The following CRY1 variants were observed in gnomAD, a reference collection of about 807,000 sequenced individuals.
The protein encoded by CRY1 is cryptochrome-1.
A neutral mutation model predicts 76.0 loss-of-function variants in CRY1; 45 were observed. The observed-to-expected ratio is 0.59, with a 90% confidence interval of 0.47 to 0.76. The LOEUF (loss-of-function observed/expected upper bound fraction) is 0.76, where lower values mean the gene tolerates loss of function less well. Ranked by LOEUF, CRY1 falls within the 30% of genes least tolerant of loss-of-function variation. The probability of loss-of-function intolerance (pLI) is 0.00; values close to 1 mark genes in which losing one functional copy is unlikely to be tolerated. For missense variants in CRY1, 587 were observed against 716.4 expected (o/e 0.82, Z 2.06); for synonymous variants, 248 against 244.0 (o/e 1.02, Z -0.15).
chr12:107,050,488 C>T (rs79499307), intron 1 of CRY1: 1,626 of 152,132 alleles, frequency 0.011, 16 homozygotes, highest in Non-Finnish European at 0.017. Flanking sequence ...TTTAAAAGAC[C>T]CTGGCACCTC....
At chr12:106,996,211 G>T (rs1426048891) in intron 10 of CRY1, among the ~76,000 whole-genome samples, 2 of 152,164 alleles carry the variant, frequency 1.3e-5, no homozygotes, top group Admixed American at 1.3e-4. Context: ...TTACAAGCAA[G>T]AACATGAGGT....
chr12:107,005,245 A>G lies in CRY1; in HGVS notation c.271T>C (p.Trp91Arg). 6.2e-7 allele frequency: 1 copy of G among 1,609,512 alleles called. No individual in the cohort carries two copies. The highest frequency in any genetic ancestry group is 8.5e-7 in the Non-Finnish European group (1 of 1,178,234). The stretch of plus-strand genomic sequence containing the variant: ...TCAATTGAAAGTTTAGTAATGTTCC[A>G]TTCCTAAAGTAAGAGAAAGGGGAAC... The part of the protein sequence containing the change: ...ADVFPRLFKE[W>R]NITKLSIEYD... Residue 91 changes from tryptophan to arginine, a missense_variant, in exon 3 of 13, where the codon TGG (tryptophan) becomes CGG (arginine). Trp to Arg is a moderately radical substitution (Grantham distance 101, BLOSUM62 -3). Transcript: ENST00000008527.
In CRY1 at chr12:106,993,826, G is replaced by C. The variant is rs2136815794; in HGVS notation, c.1586-790C>G. Among the ~76,000 whole-genome samples, 2 of 151,996 alleles carry C rather than the reference G, an allele frequency of 1.3e-5. 1 individual carries two copies. The highest frequency in any genetic ancestry group is 2.9e-5 in the Non-Finnish European group (2 of 67,956). On this transcript the variant is annotated intron_variant, in intron 10 of 12. Transcript: ENST00000008527. The stretch of plus-strand genomic sequence containing the variant: ...TAATGACTAATAATGCCGATGAACT[G>C]ATATTTTACAATAAAAAAACCTAAA...
chr12:107,045,194 A>G (rs1952836103), intron 1 of CRY1, among the ~76,000 whole-genome samples: 1 of 152,226 alleles, frequency 6.6e-6, no homozygotes, highest in Non-Finnish European at 1.5e-5. Flanking sequence ...AAGAAAGCTC[A>G]CAGGCCAGGA....
chr12:107,031,967 T>C (rs998293967), intron 1 of CRY1, among the ~76,000 whole-genome samples: 2 of 152,218 alleles, frequency 1.3e-5, no homozygotes, highest in Non-Finnish European at 2.9e-5. Flanking sequence ...GGAGTTTCGC[T>C]CTTGTCGCCC....
intron 1 of CRY1, chr12:107,073,059 A>G (rs1490665972): frequency 4.0e-5 from 6 of 149,724 alleles, no homozygotes; most frequent in Non-Finnish European, 7.4e-5. Context: ...TAAATTCTAG[A>G]TGGAACAAAG....
chr12:107,091,833 C>G lies in CRY1; in HGVS notation c.158+971G>C, dbSNP rs531017310. Among the ~76,000 whole-genome samples the G allele has an allele frequency of 1.8e-4, 28 of 152,322 alleles. No homozygotes were observed. The South Asian group carries it at 5.2e-3, about 28-fold the overall frequency. ...CCTGGAATGGTCTTCCCTTAGATATCTGCATCCCACCACCTCCTTCAGGTC... is the reference window on the plus strand; with the variant it reads ...CCTGGAATGGTCTTCCCTTAGATATGTGCATCCCACCACCTCCTTCAGGTC... On this transcript the variant is annotated intron_variant, in intron 1 of 12. Transcript: ENST00000008527.
At chr12:107,026,801 C>A (rs1952621608) in intron 1 of CRY1, among the ~76,000 whole-genome samples, 1 of 148,536 alleles carries the variant, frequency 6.7e-6, no homozygotes, top group Non-Finnish European at 1.5e-5. Flanking sequence ...AAAGAAAACA[C>A]CCCATGCATT....
chr12:107,070,160 CAG>C (rs1021571659), intron 1 of CRY1, among the ~76,000 whole-genome samples: 2 of 152,154 alleles, frequency 1.3e-5, no homozygotes, highest in South Asian at 2.1e-4. Context: ...ATACTTAACA[CAG>C]AGTCATGTGC....
chr12:107,069,226 ATT>A (rs78170490), intron 1 of CRY1, among the ~76,000 whole-genome samples: 185 of 137,812 alleles, frequency 1.3e-3, no homozygotes, highest in Middle Eastern at 7.7e-3. Context: ...TTCCGTTTAA[ATT>A]TTTTTTTTTT....
chr12:107,014,470 T>C lies in CRY1; in HGVS notation c.267+7614A>G, dbSNP rs187253181. The stretch of plus-strand genomic sequence containing the variant: ...CCTGCTGTGACACAGTATCACACAG[T>C]AGGGCAAGAAGGGTGGGTTTGGCAC... On this transcript the variant is annotated intron_variant, in intron 2 of 12. Coordinates refer to ENST00000008527, the MANE Select transcript of CRY1 (RefSeq NM_004075.5). Among the ~76,000 whole-genome samples the C allele has an allele frequency of 4.4e-3, 674 of 152,226 alleles. 2 individuals carry two copies. The highest frequency in any genetic ancestry group is 0.015 in the African/African-American group (634 of 41,524).
chr12:107,055,521 T>C (rs561257224), intron 1 of CRY1, among the ~76,000 whole-genome samples: 1 of 152,172 alleles, frequency 6.6e-6, no homozygotes, highest in East Asian at 1.9e-4. Context: ...GGGTATTCAA[T>C]AGGCTAACTC....
At chr12:107,078,641 T>C (rs1953286686) in intron 1 of CRY1, among the ~76,000 whole-genome samples, 2 of 152,194 alleles carry the variant, frequency 1.3e-5, no homozygotes, top group Non-Finnish European at 2.9e-5. Flanking sequence ...CCAATGTCTA[T>C]AATTCCCAGA....
At chr12:107,036,775 T>C (rs946514354) in intron 1 of CRY1, among the ~76,000 whole-genome samples, 1 of 152,062 alleles carries the variant, frequency 6.6e-6, no homozygotes, top group South Asian at 2.1e-4. Context: ...TTGCACAGGA[T>C]GTTCTTTCCA....
chr12:106,992,760 C>T lies in CRY1; in HGVS notation c.*27G>A, dbSNP rs201492254. The T allele has an allele frequency of 1.2e-5, 18 of 1,559,372 alleles. No homozygotes were observed. The Admixed American group carries it at 2.5e-4, about 22-fold the overall frequency. On this transcript the variant is annotated intron_variant, in intron 12 of 12. Coordinates refer to ENST00000008527, the MANE Select transcript of CRY1 (RefSeq NM_004075.5). ...ATGTTAATTATATACTCTTCTAAAG[C>T]AAGAAATACAGCTCTAAAATATTTA... is the stretch of plus-strand genomic sequence containing the variant.
intron 7 of CRY1, among the ~76,000 whole-genome samples, chr12:106,999,175 T>C (rs1337125427): frequency 6.6e-6 from 1 of 151,728 alleles, no homozygotes; most frequent in African/African-American, 2.4e-5. Flanking sequence ...GGTGAAATGA[T>C]TTATATTTTA....
chr12:107,054,434 T>C (rs1952959603), intron 1 of CRY1, among the ~76,000 whole-genome samples: 1 of 151,342 alleles, frequency 6.6e-6, no homozygotes, highest in South Asian at 2.1e-4. Context: ...TAATGAAATT[T>C]AAAACAACAG....
chr12:107,028,085 A>C (rs1018526841), intron 1 of CRY1, among the ~76,000 whole-genome samples: 1 of 152,202 alleles, frequency 6.6e-6, no homozygotes, highest in African/African-American at 2.4e-5. Context: ...AAAATCACTA[A>C]AACTACAAGG....
intron 1 of CRY1, among the ~76,000 whole-genome samples, chr12:107,051,352 CT>C (rs1301123709): frequency 3.9e-5 from 6 of 152,086 alleles, no homozygotes; most frequent in African/African-American, 1.4e-4. Flanking sequence ...CTTTTATGTC[CT>C]TTTTATGGTA....
Sources: gnomAD v4.1 joint callset for allele counts (sites outside exome capture counted in the v4.1 genomes callset) on GRCh38, gnomAD v4.1.1 for gene constraint, MANE v1.5 for transcripts, NCBI Gene and HGNC (gene_info 2026-07-23, HGNC 2026-07-21) for gene names.